PPP1R12B: variants seen among roughly 807,000 people sequenced by gnomAD.
PPP1R12B encodes myosin phosphatase target subunit 2.
A neutral mutation model predicts 126.1 loss-of-function variants in PPP1R12B; 76 were observed. The ratio of observed to expected loss-of-function variants is 0.60; its 90% confidence interval spans 0.50 to 0.73. The LOEUF is 0.73. PPP1R12B is among the 30% of genes least tolerant of loss of function. The probability of loss-of-function intolerance (pLI) is 0.00; values close to 1 mark genes in which losing one functional copy is unlikely to be tolerated. For synonymous variants in PPP1R12B, 356 were observed against 434.7 expected (o/e 0.82, Z 2.25); for missense variants, 1,052 against 1,205.1 (o/e 0.87, Z 1.88).
intron 1 of PPP1R12B, among the ~76,000 whole-genome samples, chr1:202,353,627 T>TGTGTGTGTGTGTGA (rs1553260724): frequency 7.0e-6 from 1 of 142,332 alleles, no homozygotes; most frequent in African/African-American, 2.5e-5. Flanking sequence ...TGTGTGTGTG[T>TGTGTGTGTGTGTGA]GTGACAGGGT....
At chr1:202,507,389 T>A (rs907422635) in intron 18 of PPP1R12B, among the ~76,000 whole-genome samples, 1 of 152,220 alleles carries the variant, frequency 6.6e-6, no homozygotes, top group African/African-American at 2.4e-5. Flanking sequence ...CTGTTATTTT[T>A]AAAATGATTT....
intron 18 of PPP1R12B, among the ~76,000 whole-genome samples, chr1:202,534,216 T>A (rs1684295091): frequency 6.6e-6 from 1 of 152,244 alleles, no homozygotes; most frequent in Non-Finnish European, 1.5e-5. Context: ...TTCTGTGTCC[T>A]TGTGTCATAT....
Position 202,590,082 on chromosome 1 carries a change from C to T in PPP1R12B, c.*9522C>T, listed in dbSNP as rs1213141398. 6.6e-6 allele frequency: 1 copy of T among 152,226 alleles called. No individual in the cohort carries two copies. The highest frequency in any genetic ancestry group is 1.5e-5 in the Non-Finnish European group (1 of 68,038). 9.4% of individuals were successfully genotyped at this position (152,226 alleles called of 1,614,324 possible). ...CTGACGCCCTATCCCTGGTCCCTAA[C>T]ATCTTTGCTTCAGAAGTTAAAGACA... On this transcript the variant is annotated 3_prime_UTR_variant, in exon 24 of 24. Transcript: ENST00000608999.
At chr1:202,401,635 T>C (rs1167489973) in intron 1 of PPP1R12B, among the ~76,000 whole-genome samples, 1 of 152,208 alleles carries the variant, frequency 6.6e-6, no homozygotes, top group Non-Finnish European at 1.5e-5. Flanking sequence ...AAATCTGTTT[T>C]CATATTTGTT....
chr1:202,434,899 A>C, intron 9 of PPP1R12B, 131 bp downstream of exon 9: 1 of 1,425,224 alleles, frequency 7.0e-7, no homozygotes, highest in Non-Finnish European at 9.2e-7. Context: ...CTGCTCCCAT[A>C]ACAAAAAACA....
chr1:202,369,997 T>TG (rs1354104766), intron 1 of PPP1R12B: 1 of 156,120 alleles, frequency 6.4e-6, no homozygotes, highest in Non-Finnish European at 1.4e-5. Flanking sequence ...GGTTTCACCA[T>TG]GTTGTCCAGG....
intron 2 of PPP1R12B, chr1:202,417,428 A>G (rs1468192148): frequency 3.1e-6 from 3 of 983,504 alleles, no homozygotes; most frequent in South Asian, 4.7e-5. Context: ...TGTTCTCCAC[A>G]TTAGTTGAAT....
intron 1 of PPP1R12B, among the ~76,000 whole-genome samples, chr1:202,374,911 A>G (rs112170297): frequency 2.0e-5 from 3 of 151,868 alleles, no homozygotes; most frequent in Non-Finnish European, 4.4e-5. Context: ...AATGATTTCC[A>G]TGCTTCTATT....
chr1:202,472,377 C>G (rs1221223860), intron 13 of PPP1R12B, among the ~76,000 whole-genome samples: 2 of 152,224 alleles, frequency 1.3e-5, no homozygotes, highest in East Asian at 1.9e-4. Flanking sequence ...TTGTCTTGGT[C>G]TAGTCTACTT....
At chr1:202,426,771 C>T (rs918619725) in intron 4 of PPP1R12B, among the ~76,000 whole-genome samples, 15 of 152,132 alleles carry the variant, frequency 9.9e-5, no homozygotes, top group Non-Finnish European at 2.1e-4. Context: ...TAGGTACATA[C>T]GTTTCCGTAT....
At chr1:202,460,634 T>C (rs1674195307) in intron 13 of PPP1R12B, among the ~76,000 whole-genome samples, 1 of 152,148 alleles carries the variant, frequency 6.6e-6, no homozygotes. Context: ...ATTACCAAGT[T>C]TTTTCTCTAC....
chr1:202,422,244 C>G (rs1445009564), intron 2 of PPP1R12B, among the ~76,000 whole-genome samples: 1 of 152,180 alleles, frequency 6.6e-6, no homozygotes, highest in Non-Finnish European at 1.5e-5. Context: ...TTAATGCACA[C>G]TTTATTCTTC....
rs1002237014 is a variant in PPP1R12B, at chr1:202,575,287, C to T, written c.2863-5187C>T. On this transcript the variant is annotated intron_variant, in intron 23 of 23. Coordinates refer to ENST00000608999, the MANE Select transcript of PPP1R12B (RefSeq NM_002481.4). ...AAGCTTGGTTATCTGCAGATGGAAG[C>T]AGCCAGGACTGAGATCATAGAATGG... The T allele has an allele frequency of 8.5e-6, 10 of 1,177,846 alleles. 1 individual carries two copies. The Middle Eastern group carries it at 1.5e-3, about 178-fold the overall frequency. The allele number at this position is 1,177,846 out of a possible 1,614,324, so 73.0% of individuals were successfully genotyped here.
rs1052683368 is a variant in PPP1R12B, at chr1:202,558,731, T to G, written c.2491-146T>G. On this transcript the variant is annotated intron_variant, in intron 18 of 23. Coordinates refer to ENST00000608999, the MANE Select transcript of PPP1R12B (RefSeq NM_002481.4). ...AGTCAATTTGATTGCTTTTCTTAAATGGCACCCCCATCTCCAGCTGTGAAG... is the reference window on the plus strand; with the variant it reads ...AGTCAATTTGATTGCTTTTCTTAAAGGGCACCCCCATCTCCAGCTGTGAAG... The G allele has an allele frequency of 5.3e-6, 3 of 568,706 alleles. No individual in the cohort carries two copies. The African/African-American group carries it at 5.9e-5, about 11-fold the overall frequency. The allele number at this position is 568,706 out of a possible 1,614,324, so 35.2% of individuals were successfully genotyped here.
chr1:202,439,653 C>T, intron 10 of PPP1R12B: 2 of 732,306 alleles, frequency 2.7e-6, no homozygotes, highest in Non-Finnish European at 2.4e-6. Context: ...GTCCACTGCC[C>T]TTCCTGGTCC....
At chr1:202,401,782 A>T (rs556384063) in intron 1 of PPP1R12B, among the ~76,000 whole-genome samples, 5 of 152,224 alleles carry the variant, frequency 3.3e-5, no homozygotes, top group African/African-American at 1.2e-4. Context: ...CCTATACAGC[A>T]TCTTACAACA....
chr1:202,415,274 G>A (rs1206479376), intron 1 of PPP1R12B, among the ~76,000 whole-genome samples: 2 of 152,058 alleles, frequency 1.3e-5, no homozygotes, highest in African/African-American at 4.8e-5. Context: ...GTGCCTGCTG[G>A]TAGTTTTTGA....
At position 202,582,410 on chromosome 1, in the gene PPP1R12B, A is replaced by C. The variant is rs1689595007; in HGVS notation, c.*1850A>C. ...GGAGTTTTATCCCTTGGTTCACTTG[A>C]GTGTGCAAGTCATTAAATCCTCATC... is the stretch of plus-strand genomic sequence containing the variant. On this transcript the variant is annotated 3_prime_UTR_variant, in exon 24 of 24. Transcript: ENST00000608999. The C allele has an allele frequency of 1.3e-5, 2 of 152,588 alleles. No individual in the cohort carries two copies. Among genetic ancestry groups the C allele is most frequent in the Admixed American group, 6.5e-5 (1 of 15,268 alleles). 9.5% of individuals were successfully genotyped at this position (152,588 alleles called of 1,614,324 possible).
chr1:202,354,848 C>T (rs572995199), intron 1 of PPP1R12B, among the ~76,000 whole-genome samples: 24 of 135,546 alleles, frequency 1.8e-4, no homozygotes, highest in Middle Eastern at 4.5e-3. Flanking sequence ...TTTTTTGAGA[C>T]GGAGTCTTGC....
Sources: gnomAD v4.1 joint callset for allele counts (sites outside exome capture counted in the v4.1 genomes callset) on GRCh38, gnomAD v4.1.1 for gene constraint, MANE v1.5 for transcripts, NCBI Gene and HGNC (gene_info 2026-07-23, HGNC 2026-07-21) for gene names.